The following SNX6 variants were observed in gnomAD, a reference collection of about 807,000 sequenced individuals.
SNX6 encodes sorting nexin 6.
SNX6 carries 34 observed loss-of-function variants against 63.0 expected under a neutral mutation model. The ratio of observed to expected loss-of-function variants is 0.54; its 90% CI spans 0.41 to 0.72. SNX6 has a LOEUF of 0.72. Ranked by LOEUF, SNX6 falls within the 30% of genes least tolerant of loss-of-function variation. The pLI is 0.00. For missense variants in SNX6, 398 were observed against 471.4 expected, an observed-to-expected ratio of 0.84 and a Z score of 1.44; for synonymous variants, 170 against 164.2, an observed-to-expected ratio of 1.04 and a Z score of -0.27.
At chr14:34,614,289 A>G (rs1028095913) in intron 2 of SNX6, among the ~76,000 whole-genome samples, 3 of 151,830 alleles carry the variant, frequency 2.0e-5, no homozygotes, top group African/African-American at 7.3e-5. Flanking sequence ...AATAACCAAA[A>G]CAAAAATTAG....
chr14:34,586,104 T>C (rs529819992), intron 9 of SNX6, 126 bp downstream of exon 9: 1 of 447,692 alleles, frequency 2.2e-6, no homozygotes, highest in Non-Finnish European at 4.1e-6. Context: ...GGTTTCACCG[T>C]GTTGGTCAGG....
intron 6 of SNX6, among the ~76,000 whole-genome samples, chr14:34,602,698 C>G (rs1030355724): frequency 6.6e-6 from 1 of 151,832 alleles, no homozygotes; most frequent in Non-Finnish European, 1.5e-5. Context: ...AACTTGGGGC[C>G]GGGCACGGTG....
chr14:34,617,066 A>G, intron 2 of SNX6, among the ~76,000 whole-genome samples: 1 of 152,124 alleles, frequency 6.6e-6, no homozygotes, highest in African/African-American at 2.4e-5. Context: ...TGGTCAAGAG[A>G]GCAAGACTGT....
At chr14:34,620,966 G>A (rs918457240) in intron 2 of SNX6, among the ~76,000 whole-genome samples, 1 of 151,986 alleles carries the variant, frequency 6.6e-6, no homozygotes, top group African/African-American at 2.4e-5. Flanking sequence ...ATAAAAAATG[G>A]TGACGGGCGT....
At chr14:34,629,697 C>T (rs1000786280) in intron 2 of SNX6, 12 of 811,142 alleles carry the variant, frequency 1.5e-5, no homozygotes, top group South Asian at 4.6e-5. Flanking sequence ...GACAAGAAAG[C>T]GGCCGCGGGT....
intron 13 of SNX6, 102 bp downstream of exon 13, chr14:34,567,584 G>C: frequency 1.2e-6 from 1 of 846,700 alleles, no homozygotes; most frequent in Non-Finnish European, 1.9e-6. Flanking sequence ...AGTTGTCACA[G>C]TATCCCTATG....
intron 4 of SNX6, among the ~76,000 whole-genome samples, chr14:34,607,554 G>T (rs925984105): frequency 6.6e-6 from 1 of 152,124 alleles, no homozygotes; most frequent in African/African-American, 2.4e-5. Context: ...AGGTTACAGT[G>T]AACAAAGATC....
intron 10 of SNX6, 111 bp downstream of exon 10, chr14:34,581,450 C>T: frequency 1.7e-6 from 1 of 589,334 alleles, no homozygotes. Flanking sequence ...CGTGCCTGGC[C>T]AATAGTGATC....
intron 8 of SNX6, among the ~76,000 whole-genome samples, chr14:34,590,204 A>G (rs952479191): frequency 6.6e-6 from 1 of 151,992 alleles, no homozygotes; most frequent in Non-Finnish European, 1.5e-5. Context: ...TGAGGTGGGC[A>G]GATTACGAGG....
intron 13 of SNX6, among the ~76,000 whole-genome samples, chr14:34,565,076 A>C (rs893843429): frequency 1.5e-5 from 2 of 136,616 alleles, no homozygotes; most frequent in Non-Finnish European, 3.1e-5. Flanking sequence ...ACATGTCATG[A>C]CTTTTTTTTT....
At position 34,597,528 on chromosome 14, in the gene SNX6, A is replaced by G. The variant is rs1882651835; in HGVS notation, c.612+22T>C. 5 of 1,353,800 alleles carry G rather than the reference A, an allele frequency of 3.7e-6. No homozygotes were observed. The South Asian group carries it at 4.9e-5, about 13-fold the overall frequency. 83.9% of individuals were successfully genotyped at this position (1,353,800 alleles called of 1,614,324 possible). On this transcript the variant is annotated intron_variant, in intron 7 of 13. Transcript: ENST00000362031. Reference sequence around the variant, plus strand: ...TAAAAGAAGTCTCAACTAATACCACAGTTAATCAAATAAAATCTTACCTTT... The same window carrying G: ...TAAAAGAAGTCTCAACTAATACCACGGTTAATCAAATAAAATCTTACCTTT...
chr14:34,605,487 T>C, intron 5 of SNX6, 109 bp downstream of exon 5: 1 of 871,112 alleles, frequency 1.1e-6, no homozygotes, highest in Non-Finnish European at 1.7e-6. Context: ...CCAGAAAGGG[T>C]TTAATGATGG....
chr14:34,605,798 G>A, intron 4 of SNX6, 81 bp from the exon 5 acceptor site: 1 of 1,501,806 alleles, frequency 6.7e-7, no homozygotes, highest in Non-Finnish European at 8.8e-7. Context: ...AGAAGACTGT[G>A]TCTGGGAAAG....
intron 6 of SNX6, 97 bp downstream of exon 6, chr14:34,603,251 A>T: frequency 8.2e-7 from 1 of 1,212,878 alleles, no homozygotes. Flanking sequence ...ATGCCACTGT[A>T]CTCCAGCCTG....
chr14:34,609,480 C>CAAAAAA (rs398024759), intron 3 of SNX6, among the ~76,000 whole-genome samples, 158 bp downstream of exon 3: 6 of 65,032 alleles, frequency 9.2e-5, no homozygotes, highest in Non-Finnish European at 1.0e-4. Context: ...GACTCCGTCT[C>CAAAAAA]AAAAAAAAAA....
At chr14:34,595,404 T>C (rs915679307) in intron 7 of SNX6, among the ~76,000 whole-genome samples, 3 of 152,208 alleles carry the variant, frequency 2.0e-5, no homozygotes, top group Non-Finnish European at 4.4e-5. Flanking sequence ...CCCAAAGTGC[T>C]AGGATTATAG....
chr14:34,601,145 G>A (rs950015615), intron 6 of SNX6, among the ~76,000 whole-genome samples: 1 of 151,992 alleles, frequency 6.6e-6, no homozygotes, highest in Non-Finnish European at 1.5e-5. Flanking sequence ...TCACCTCCTT[G>A]GAATTCTCCA....
intron 5 of SNX6, chr14:34,604,111 G>GC: frequency 8.1e-7 from 1 of 1,231,168 alleles, no homozygotes; most frequent in Non-Finnish European, 1.0e-6. Flanking sequence ...TCAACTACGT[G>GC]CAAGAAGGAT....
chr14:34,567,833 T>C, intron 12 of SNX6, 21 bp downstream of exon 12: 1 of 1,613,582 alleles, frequency 6.2e-7, no homozygotes, highest in South Asian at 1.1e-5. Flanking sequence ...ATCTTGTGAT[T>C]AAAGGTTAAC....
Sources: allele counts gnomAD v4.1 joint callset (sites outside exome capture counted in the v4.1 genomes callset), GRCh38; gene constraint gnomAD v4.1.1; transcripts MANE v1.5; gene names NCBI Gene and HGNC (gene_info 2026-07-23, HGNC 2026-07-21).